Variants in TTLL5 observed in about 807,000 individuals in gnomAD.
The protein encoded by TTLL5 is tubulin tyrosine ligase like 5.
A neutral mutation model predicts 168.4 loss-of-function variants in TTLL5; 132 were observed. The ratio of observed to expected loss-of-function variants is 0.78; its 90% CI spans 0.68 to 0.91. TTLL5 has a LOEUF of 0.91. Ranked by LOEUF, TTLL5 falls within the 40% of genes least tolerant of loss-of-function variation. The pLI, the probability that TTLL5 is intolerant of heterozygous loss-of-function variation, is 0.00. For missense variants in TTLL5, 1,545 were observed against 1,581.5 expected (o/e 0.98, Z 0.39); for synonymous variants, 546 against 558.6 (o/e 0.98, Z 0.32).
chr14:75,910,400 C>G (rs941187122), intron 31 of TTLL5, among the ~76,000 whole-genome samples: 4 of 152,210 alleles, frequency 2.6e-5, no homozygotes, highest in African/African-American at 9.6e-5. Flanking sequence ...ACGATCTAGT[C>G]TATTCTTGCA....
intron 24 of TTLL5, 44 bp from the exon 25 acceptor site, chr14:75,782,443 C>T (rs956655050): frequency 2.6e-5 from 38 of 1,485,400 alleles, no homozygotes; most frequent in Middle Eastern, 1.7e-4. Context: ...AGCGGACTTG[C>T]AATTGATTAT....
intron 7 of TTLL5, among the ~76,000 whole-genome samples, chr14:75,701,952 T>G (rs1343449437): frequency 2.6e-5 from 4 of 152,200 alleles, no homozygotes; most frequent in Non-Finnish European, 5.9e-5. Flanking sequence ...GGTAGGTAGA[T>G]GTGTTGTATG....
intron 6 of TTLL5, among the ~76,000 whole-genome samples, chr14:75,691,184 C>T (rs1185663596): frequency 6.6e-6 from 1 of 152,052 alleles, no homozygotes; most frequent in Non-Finnish European, 1.5e-5. Flanking sequence ...AGCTGTATGG[C>T]TGGTAAAGTG....
chr14:75,922,019 T>G (rs1339921049), intron 31 of TTLL5, among the ~76,000 whole-genome samples: 1 of 152,196 alleles, frequency 6.6e-6, no homozygotes, highest in Admixed American at 6.5e-5. Flanking sequence ...ATGATTTGGC[T>G]CTTTGTTTGT....
intron 18 of TTLL5, among the ~76,000 whole-genome samples, chr14:75,762,938 G>T (rs894826526): frequency 6.6e-6 from 1 of 152,032 alleles, no homozygotes; most frequent in African/African-American, 2.4e-5. Flanking sequence ...ACTTATTAGG[G>T]TGTTGAATTA....
At chr14:75,901,504 T>A (rs1196635713) in intron 30 of TTLL5, among the ~76,000 whole-genome samples, 2 of 152,210 alleles carry the variant, frequency 1.3e-5, no homozygotes, top group African/African-American at 4.8e-5. Flanking sequence ...TGTACATTTC[T>A]CAGTCTTGCG....
chr14:75,692,352 T>A (rs541938184), intron 6 of TTLL5, among the ~76,000 whole-genome samples: 160 of 152,360 alleles, frequency 1.1e-3, no homozygotes, highest in African/African-American at 3.1e-3. Flanking sequence ...TATGTTTTAC[T>A]ATTTTATTTT....
chr14:75,677,541 C>T (rs575734567), intron 3 of TTLL5, among the ~76,000 whole-genome samples: 7 of 151,784 alleles, frequency 4.6e-5, no homozygotes, highest in South Asian at 2.1e-4. Flanking sequence ...GGACTACAGG[C>T]GCACAGCACC....
At chr14:75,935,597 T>A (rs1054353693) in intron 31 of TTLL5, among the ~76,000 whole-genome samples, 2 of 152,252 alleles carry the variant, frequency 1.3e-5, no homozygotes. Context: ...ATTTGGATAT[T>A]TCTATGGATT....
chr14:75,742,719 G>C (rs1594955362), intron 15 of TTLL5, among the ~76,000 whole-genome samples: 1 of 152,348 alleles, frequency 6.6e-6, no homozygotes, highest in East Asian at 1.9e-4. Context: ...TATGATCAGA[G>C]ACATGCTGTG....
At chr14:75,683,764 G>A in intron 5 of TTLL5, 108 bp downstream of exon 5, 8 of 732,742 alleles carry the variant, frequency 1.1e-5, no homozygotes, top group South Asian at 3.6e-5. Context: ...TGAAAATGAA[G>A]AAGAAGAAGG....
At chr14:75,705,218 C>T (rs1230411534) in intron 7 of TTLL5, among the ~76,000 whole-genome samples, 2 of 152,176 alleles carry the variant, frequency 1.3e-5, no homozygotes, top group Non-Finnish European at 2.9e-5. Flanking sequence ...CATTGTGTTC[C>T]TATGATGCGT....
chr14:75,774,116 A>G (rs1038215389), intron 21 of TTLL5, among the ~76,000 whole-genome samples: 11 of 151,918 alleles, frequency 7.2e-5, no homozygotes, highest in African/African-American at 2.7e-4. Context: ...TCCTTATCTC[A>G]TAACTCACAG....
intron 29 of TTLL5, among the ~76,000 whole-genome samples, chr14:75,877,385 TTCTG>T (rs1436972626): frequency 1.3e-5 from 2 of 152,212 alleles, no homozygotes; most frequent in African/African-American, 2.4e-5. Context: ...GCAGTCTGTG[TTCTG>T]TCTATCAGAA....
At chr14:75,751,821 A>G (rs960547539) in intron 17 of TTLL5, among the ~76,000 whole-genome samples, 1 of 152,194 alleles carries the variant, frequency 6.6e-6, no homozygotes, top group Non-Finnish European at 1.5e-5. Context: ...GTGAGTCCAT[A>G]AGGTAAAGTG....
At chr14:75,938,213 T>G (rs2034491765) in intron 31 of TTLL5, among the ~76,000 whole-genome samples, 1 of 152,244 alleles carries the variant, frequency 6.6e-6, no homozygotes, top group Admixed American at 6.5e-5. Context: ...AATGTTAAAC[T>G]CAGCTAGGTT....
intron 27 of TTLL5, among the ~76,000 whole-genome samples, chr14:75,817,075 G>A (rs565434118): frequency 1.3e-5 from 2 of 150,456 alleles, no homozygotes; most frequent in Non-Finnish European, 2.9e-5. Flanking sequence ...TGACTTCTGG[G>A]TTCAAGCAAT....
At chr14:75,939,986 G>C (rs2034548072) in intron 31 of TTLL5, among the ~76,000 whole-genome samples, 1 of 151,844 alleles carries the variant, frequency 6.6e-6, no homozygotes, top group South Asian at 2.1e-4. Flanking sequence ...GAGGTTTGAG[G>C]CTTGTGAATA....
At chr14:75,806,652 C>G (rs1042560596) in intron 27 of TTLL5, among the ~76,000 whole-genome samples, 2 of 152,172 alleles carry the variant, frequency 1.3e-5, no homozygotes, top group Non-Finnish European at 2.9e-5. Context: ...CATACTCTTT[C>G]ACTCATCACA....
Sources: gnomAD v4.1 joint callset for allele counts (sites outside exome capture counted in the v4.1 genomes callset) on GRCh38, gnomAD v4.1.1 for gene constraint, MANE v1.5 for transcripts, NCBI Gene and HGNC (gene_info 2026-07-23, HGNC 2026-07-21) for gene names.